The following COPS5 variants were observed in gnomAD, a reference collection of about 807,000 sequenced individuals.
COPS5 encodes the protein COP9 signalosome subunit 5, also known as COP9 signalosome complex subunit 5.
Under a neutral mutation model 44.4 loss-of-function variants are expected in COPS5, and 8 were observed. That is an observed-to-expected ratio of 0.18 (90% CI 0.11 to 0.32). The LOEUF (loss-of-function observed/expected upper bound fraction) is 0.32. Among genes scored for constraint, COPS5 ranks in the 10% least tolerant of loss-of-function variants. The pLI, the probability that COPS5 is intolerant of heterozygous loss-of-function variation, is 1.00. For missense variants in COPS5, 159 were observed against 406.4 expected (o/e 0.39, Z 5.23); for synonymous variants, 122 against 142.8 (o/e 0.85, Z 1.04).
At chr8:67,061,182 G>A (rs1018857310) in intron 1 of COPS5, 1 of 208,778 alleles carries the variant, frequency 4.8e-6, no homozygotes, top group Non-Finnish European at 9.9e-6. Flanking sequence ...TATTGTTGAA[G>A]GGCAAAAGGT....
At chr8:67,043,371 C>G (rs759777235) in intron 7 of COPS5, 54 bp from the exon 8 acceptor site, 5 of 1,097,878 alleles carry the variant, frequency 4.6e-6, no homozygotes, top group Non-Finnish European at 6.9e-6. Flanking sequence ...CTATTTCAAA[C>G]ACACAAGATC....
chr8:67,050,001 CTT>C (rs548690353), intron 6 of COPS5, among the ~76,000 whole-genome samples: 16 of 138,674 alleles, frequency 1.2e-4, no homozygotes, highest in East Asian at 2.1e-4. Flanking sequence ...GTGATACTCT[CTT>C]TTTTTTTTTT....
chr8:67,045,821 G>A lies in COPS5; in HGVS notation c.911C>T (p.Thr304Ile), dbSNP rs1585707100. The A allele has an allele frequency of 1.2e-6, 2 of 1,614,158 alleles. No homozygotes were observed. Among genetic ancestry groups the A allele is most frequent in the Non-Finnish European group, 1.7e-6 (2 of 1,180,024 alleles). Residue 304 changes from threonine (T) to isoleucine (I), a missense_variant, in exon 7 of 8, where the codon ACA becomes ATA. This residue lies in a region of COPS5 where 134 missense variants were observed against 376.7 expected (regional missense o/e 0.36). Coordinates refer to ENST00000357849, the MANE Select transcript of COPS5 (RefSeq NM_006837.3). ...ATAGATTTACTCTTACCTGTCTCTTGTAGCTTTGGCAAGTTTGTCTTCTGA... is the reference window on the plus strand; with the variant it reads ...ATAGATTTACTCTTACCTGTCTCTTATAGCTTTGGCAAGTTTGTCTTCTGA... The part of the protein sequence containing the change: ...RKSEDKLAKA[T>I]RDSCKTTIEA...
At chr8:67,052,184 C>G (rs969010625) in intron 5 of COPS5, among the ~76,000 whole-genome samples, 1 of 152,038 alleles carries the variant, frequency 6.6e-6, no homozygotes, top group African/African-American at 2.4e-5. Flanking sequence ...GCCTGAGAAG[C>G]CTCAGGGAAA....
intron 2 of COPS5, 72 bp from the exon 3 acceptor site, chr8:67,058,283 G>A: frequency 6.8e-7 from 1 of 1,464,626 alleles, no homozygotes; most frequent in Non-Finnish European, 9.4e-7. Flanking sequence ...TACAATAAGG[G>A]TAACCAGTCT....
intron 1 of COPS5, chr8:67,060,489 G>C (rs1411465075): frequency 7.8e-7 from 1 of 1,289,462 alleles, no homozygotes; most frequent in African/African-American, 1.5e-5. Context: ...GCTGAAAAAT[G>C]TGTAGACCTC....
rs200155628 is a variant in COPS5 at position 67,043,321 on chromosome 8, GA to G, written c.921-5del. ...AGCTTCTATGGTAGTTTTACAGCTG[GA>G]AAAAAAAACACACATCACATGATGT... On this transcript the variant is annotated splice_region_variant and splice_polypyrimidine_tract_variant and intron_variant, in intron 7 of 7. Coordinates refer to ENST00000357849, the MANE Select transcript of COPS5 (RefSeq NM_006837.3). The G allele has an allele frequency of 5.6e-5, 86 of 1,534,986 alleles. No individual in the cohort carries two copies. The highest frequency in any genetic ancestry group is 1.1e-4 in the Admixed American group (6 of 54,400).
intron 6 of COPS5, among the ~76,000 whole-genome samples, chr8:67,047,002 A>G (rs777386578): frequency 6.6e-6 from 1 of 152,142 alleles, no homozygotes; most frequent in East Asian, 1.9e-4. Context: ...GTATATCTAC[A>G]TTTGAGAAAC....
At chr8:67,043,739 A>G (rs1816665842) in intron 7 of COPS5, 1 of 152,442 alleles carries the variant, frequency 6.6e-6, no homozygotes, top group Admixed American at 6.5e-5. Flanking sequence ...CAGAAGTCAA[A>G]CTTAGGTTAG....
chr8:67,049,865 A>G (rs896219992), intron 6 of COPS5, among the ~76,000 whole-genome samples: 1 of 152,252 alleles, frequency 6.6e-6, no homozygotes, highest in African/African-American at 2.4e-5. Flanking sequence ...ATACTGCAGT[A>G]TATGAAATGG....
At chr8:67,043,349 A>G in intron 7 of COPS5, 32 bp from the exon 8 acceptor site, 1 of 1,345,198 alleles carries the variant, frequency 7.4e-7, no homozygotes, top group Non-Finnish European at 1.1e-6. Flanking sequence ...ACATGATGTC[A>G]TAAATTGAAA....
intron 1 of COPS5, 85 bp downstream of exon 1, chr8:67,061,769 C>T: frequency 7.3e-7 from 1 of 1,371,684 alleles, no homozygotes; most frequent in Non-Finnish European, 1.0e-6. Flanking sequence ...GAAAGCTCTT[C>T]ACCCCTTTCA....
chr8:67,062,122 GC>G lies in COPS5; in HGVS notation c.-127del. The G allele has an allele frequency of 6.5e-7, 1 of 1,550,036 alleles. No homozygotes were observed. Among genetic ancestry groups the G allele is most frequent in the Non-Finnish European group, 8.7e-7 (1 of 1,151,960 alleles). On this transcript the variant is annotated 5_prime_UTR_variant, in exon 1 of 8. It removes the in-frame stop codon of an upstream open reading frame in the 5' UTR. Coordinates refer to ENST00000357849, the MANE Select transcript of COPS5 (RefSeq NM_006837.3). ...AACTCTTACCTAGACTCTTGGGGCAGCCATGACACCTAGAACCGGAGGTGAA... is the reference window on the plus strand; with the variant it reads ...AACTCTTACCTAGACTCTTGGGGCAGCATGACACCTAGAACCGGAGGTGAA...
chr8:67,056,650 AAAATATATATATATATATAT>A (rs1364305558), intron 4 of COPS5, 46 bp from the exon 5 acceptor site: 2,368 of 74,522 alleles, frequency 0.032, 333 homozygotes, highest in Admixed American at 0.048. Flanking sequence ...AAAAAAAAAA[AAAATATATATATATATATAT>A]ATATATATAT....
At position 67,056,589 on chromosome 8, in the gene COPS5, CAGG is replaced by C; in HGVS notation, c.586_588del (p.Pro196del). 7.3e-7 allele frequency: 1 copy of C among 1,374,108 alleles called. No individual in the cohort carries two copies. The highest frequency in any genetic ancestry group is 9.7e-7 in the Non-Finnish European group (1 of 1,030,866). 85.1% of individuals were successfully genotyped at this position (1,374,108 alleles called of 1,614,324 possible). On this transcript the variant is annotated inframe_deletion, in exon 5 of 8. Coordinates refer to ENST00000357849, the MANE Select transcript of COPS5 (RefSeq NM_006837.3). ...GTCTGGTACTCAGAAGGTCCTTCAT[CAGG>C]AGGTTTGTAGCCCTAAACAAAAATG...
At position 67,061,982 on chromosome 8, in the gene COPS5, C is replaced by G; in HGVS notation, c.15G>C (p.Gly5=). 6.2e-7 allele frequency: 1 copy of G among 1,614,224 alleles called. No individual in the cohort carries two copies. The highest frequency in any genetic ancestry group is 8.5e-7 in the Non-Finnish European group (1 of 1,180,050). MAAS[G]SGMAQKTWEL... is the part of the protein sequence containing the mutation. ...CCCAGGTTTTCTGGGCCATACCGCT[C>G]CCGGACGCCGCCATCGCCGAGGAAG... is the stretch of plus-strand genomic sequence containing the variant. The change falls in exon 1 of 8, where the codon GGG becomes GGC. Residue 5 remains glycine, a synonymous_variant. Coordinates refer to ENST00000357849, the MANE Select transcript of COPS5 (RefSeq NM_006837.3).
intron 7 of COPS5, chr8:67,044,932 T>C (rs1242470022): frequency 6.6e-6 from 1 of 152,198 alleles, no homozygotes; most frequent in East Asian, 1.9e-4. Flanking sequence ...GTAAATGTTA[T>C]TAATCTTTGC....
intron 5 of COPS5, among the ~76,000 whole-genome samples, chr8:67,055,186 AC>A (rs1427005947): frequency 6.6e-6 from 1 of 152,236 alleles, no homozygotes; most frequent in Non-Finnish European, 1.5e-5. Context: ...TGGATTGCAG[AC>A]CAGCAGAAGT....
intron 6 of COPS5, chr8:67,047,935 G>T: frequency 2.9e-6 from 2 of 701,700 alleles, no homozygotes; most frequent in South Asian, 3.0e-5. Flanking sequence ...TTGCTATTAT[G>T]ATCATTCTCC....
Sources: gnomAD v4.1 joint callset for allele counts (sites outside exome capture counted in the v4.1 genomes callset) on GRCh38, gnomAD v4.1.1 for gene constraint, gnomAD v4.1.1 regional missense constraint, MANE v1.5 for transcripts, NCBI Gene and HGNC (gene_info 2026-07-23, HGNC 2026-07-21) for gene names.